FMN2: variants seen among roughly 807,000 people sequenced by gnomAD.
FMN2 encodes formin-2.
Under a neutral mutation model 142.3 loss-of-function variants are expected in FMN2, and 51 were observed. The ratio of observed to expected loss-of-function variants is 0.36; its 90% CI spans 0.29 to 0.45. The LOEUF (loss-of-function observed/expected upper bound fraction) is 0.45, where lower values mean the gene tolerates loss of function less well. FMN2 is among the 20% of genes least tolerant of loss of function. The pLI, the probability that FMN2 is intolerant of heterozygous loss-of-function variation, is 1.00. For missense variants in FMN2, 1,936 were observed against 2,122.8 expected (o/e 0.91, Z 1.73); for synonymous variants, 882 against 869.8 (o/e 1.01, Z -0.25).
chr1:240,302,423 G>C (rs1011687945), intron 8 of FMN2, among the ~76,000 whole-genome samples: 2 of 151,782 alleles, frequency 1.3e-5, no homozygotes, highest in African/African-American at 4.8e-5. Flanking sequence ...GAATAAAAGA[G>C]ATAACAAGGC....
intron 2 of FMN2, among the ~76,000 whole-genome samples, chr1:240,165,673 T>C (rs556217957): frequency 4.9e-4 from 74 of 152,176 alleles, no homozygotes; most frequent in Middle Eastern, 6.8e-3. Flanking sequence ...CTTAGTTTGA[T>C]CTCATCTTTT....
rs181971647 is a variant in FMN2, at chr1:240,420,729, A to G, written c.4911-17332A>G. Among the ~76,000 whole-genome samples, 5 of 152,326 alleles carry G rather than the reference A, an allele frequency of 3.3e-5. No individual in the cohort carries two copies. The East Asian group carries it at 7.7e-4, about 24-fold the overall frequency. ...CTCTAGTGATGTCTTCAGCAATCACATAGCCACCGTGTGCCAGAGACTGCC... is the reference window on the plus strand; with the variant it reads ...CTCTAGTGATGTCTTCAGCAATCACGTAGCCACCGTGTGCCAGAGACTGCC... On this transcript the variant is annotated intron_variant, in intron 15 of 17. Coordinates refer to ENST00000319653, the MANE Select transcript of FMN2 (RefSeq NM_020066.5).
intron 2 of FMN2, among the ~76,000 whole-genome samples, chr1:240,173,679 C>T (rs571666045): frequency 5.3e-5 from 8 of 152,160 alleles, no homozygotes; most frequent in East Asian, 1.9e-4. Flanking sequence ...TCTGCAGACA[C>T]GGAGGAACCA....
At chr1:240,350,769 C>CT (rs1302535842) in intron 13 of FMN2, among the ~76,000 whole-genome samples, 3 of 152,130 alleles carry the variant, frequency 2.0e-5, no homozygotes, top group Non-Finnish European at 2.9e-5. Context: ...GATTGACCCT[C>CT]TTGTCTTGAG....
At chr1:240,150,153 A>AT (rs1212709194) in intron 2 of FMN2, among the ~76,000 whole-genome samples, 1 of 152,256 alleles carries the variant, frequency 6.6e-6, no homozygotes, top group African/African-American at 2.4e-5. Flanking sequence ...TAGCTAAATG[A>AT]TTAACCCTTA....
chr1:240,145,530 ATTTTTTTTTTTT>A lies in FMN2; in HGVS notation c.1782+22203_1782+22214del, dbSNP rs71168902. 4.6e-3 allele frequency: 392 copies of A among 84,516 alleles called. 1 individual carries two copies. Among genetic ancestry groups the A allele is most frequent in the African/African-American group, 0.012 (270 of 22,220 alleles). 5.2% of individuals were successfully genotyped at this position (84,516 alleles called of 1,614,324 possible). A position where few individuals can be genotyped will look rare whatever the true frequency, so the allele number is the denominator to read the frequency against. ...AGGCAATTTTTCTTTTTCTTTTTCT[ATTTTTTTTTTTT>A]TTTTTTTTTTTTTTTTTGAGACAGG... On this transcript the variant is annotated intron_variant, in intron 2 of 17. Transcript: ENST00000319653.
intron 7 of FMN2, among the ~76,000 whole-genome samples, chr1:240,280,783 T>G (rs1472656539): frequency 6.6e-6 from 1 of 152,144 alleles, no homozygotes; most frequent in Non-Finnish European, 1.5e-5. Context: ...TCTACCTCCC[T>G]TATTCCACAC....
chr1:240,221,741 C>T (rs1667123577), intron 6 of FMN2, among the ~76,000 whole-genome samples: 1 of 151,088 alleles, frequency 6.6e-6, no homozygotes, highest in African/African-American at 2.5e-5. Flanking sequence ...TAATTAGATC[C>T]CGTTTGTCAA....
At chr1:240,247,328 C>A (rs1668113726) in intron 6 of FMN2, among the ~76,000 whole-genome samples, 2 of 151,974 alleles carry the variant, frequency 1.3e-5, no homozygotes, top group African/African-American at 4.8e-5. Context: ...CATGGAGAAA[C>A]CCCATCTCTG....
intron 2 of FMN2, among the ~76,000 whole-genome samples, chr1:240,161,857 C>T (rs946541177): frequency 6.6e-6 from 1 of 152,122 alleles, no homozygotes; most frequent in African/African-American, 2.4e-5. Context: ...GATAAAATAA[C>T]AAACCTTCTG....
intron 16 of FMN2, among the ~76,000 whole-genome samples, chr1:240,463,695 T>G (rs745682906): frequency 2.6e-5 from 4 of 152,044 alleles, no homozygotes; most frequent in Admixed American, 6.5e-5. Flanking sequence ...GAAGGATAAG[T>G]GAGTTGTCAA....
intron 13 of FMN2, among the ~76,000 whole-genome samples, chr1:240,342,713 G>T (rs1282826248): frequency 1.3e-5 from 2 of 152,048 alleles, no homozygotes; most frequent in Non-Finnish European, 2.9e-5. Flanking sequence ...ATTTAGATTA[G>T]TAAAGAATCT....
At chr1:240,122,798 A>G (rs562982572) in intron 1 of FMN2, among the ~76,000 whole-genome samples, 2 of 152,034 alleles carry the variant, frequency 1.3e-5, no homozygotes, top group African/African-American at 4.8e-5. Context: ...CACACCTATA[A>G]ATCTAGCCAC....
intron 15 of FMN2, among the ~76,000 whole-genome samples, chr1:240,430,904 T>C (rs79258924): frequency 1.3e-5 from 2 of 149,884 alleles, no homozygotes; most frequent in Admixed American, 1.3e-4. Context: ...TTCTTTTTTT[T>C]AAAAATGTAT....
chr1:240,471,079 T>TTCTGTA (rs1440943787), intron 16 of FMN2, among the ~76,000 whole-genome samples: 2 of 152,220 alleles, frequency 1.3e-5, no homozygotes, highest in African/African-American at 4.8e-5. Flanking sequence ...GAGCCAGAAC[T>TTCTGTA]TCATACAGGA....
At chr1:240,159,998 CAT>C (rs1491513584) in intron 2 of FMN2, among the ~76,000 whole-genome samples, 22 of 145,200 alleles carry the variant, frequency 1.5e-4, no homozygotes, top group Admixed American at 3.5e-4. Flanking sequence ...CACACACACA[CAT>C]ACACACATAT....
At chr1:240,364,859 C>G (rs1289162331) in intron 14 of FMN2, among the ~76,000 whole-genome samples, 1 of 152,214 alleles carries the variant, frequency 6.6e-6, no homozygotes, top group Non-Finnish European at 1.5e-5. Context: ...CAATTCAACA[C>G]AAGCATCTCA....
chr1:240,352,171 C>T (rs1340591542), intron 13 of FMN2, among the ~76,000 whole-genome samples: 3 of 152,106 alleles, frequency 2.0e-5, no homozygotes, highest in African/African-American at 7.2e-5. Flanking sequence ...TACTTGAAGA[C>T]TGTAATGTAG....
chr1:240,428,308 TG>T (rs1198845869), intron 15 of FMN2, among the ~76,000 whole-genome samples: 1 of 152,008 alleles, frequency 6.6e-6, no homozygotes, highest in African/African-American at 2.4e-5. Context: ...CATGGCTTAC[TG>T]CAACCTTAAC....
Sources: gnomAD v4.1 joint callset for allele counts (sites outside exome capture counted in the v4.1 genomes callset) on GRCh38, gnomAD v4.1.1 for gene constraint, MANE v1.5 for transcripts, NCBI Gene and HGNC (gene_info 2026-07-23, HGNC 2026-07-21) for gene names.